Variants in ANO3 observed in about 807,000 individuals in gnomAD.
The protein encoded by ANO3 is anoctamin-3.
Under a neutral mutation model 144.8 loss-of-function variants are expected in ANO3, and 99 were observed. The observed-to-expected ratio is 0.68, with a 90% CI of 0.58 to 0.81. The LOEUF is 0.81. Among genes scored for constraint, ANO3 ranks in the 30% least tolerant of loss-of-function variants. ANO3 has a pLI of 0.00. For synonymous variants in ANO3, 414 were observed against 392.6 expected (o/e 1.05, Z -0.64); for missense variants, 905 against 1,202.2 (o/e 0.75, Z 3.66).
At chr11:26,373,673 A>C (rs1333961623) in intron 1 of ANO3, among the ~76,000 whole-genome samples, 2 of 152,304 alleles carry the variant, frequency 1.3e-5, no homozygotes, top group East Asian at 3.9e-4. Flanking sequence ...CAGTTTAATC[A>C]AATCTAGAAA....
intron 13 of ANO3, among the ~76,000 whole-genome samples, chr11:26,555,842 A>G (rs1031091085): frequency 6.6e-6 from 1 of 152,198 alleles, no homozygotes; most frequent in African/African-American, 2.4e-5. Context: ...GATTTTTGCC[A>G]AAGGTACAAG....
intron 18 of ANO3, among the ~76,000 whole-genome samples, chr11:26,629,329 G>A (rs935177914): frequency 2.0e-5 from 3 of 152,022 alleles, no homozygotes; most frequent in Admixed American, 6.6e-5. Flanking sequence ...TGACTTCTCA[G>A]TCCTTCACTC....
At chr11:26,623,712 A>G (rs749523712) in intron 17 of ANO3, among the ~76,000 whole-genome samples, 9 of 152,064 alleles carry the variant, frequency 5.9e-5, no homozygotes, top group African/African-American at 1.9e-4. Context: ...GCAGAATTCA[A>G]ACTTTCACTT....
intron 1 of ANO3, among the ~76,000 whole-genome samples, chr11:26,192,314 T>C (rs1851493438): frequency 6.6e-6 from 1 of 152,206 alleles, no homozygotes; most frequent in Non-Finnish European, 1.5e-5. Flanking sequence ...GGCTTAGCAC[T>C]GGGATTAGTG....
At chr11:26,581,846 C>A (rs1465980435) in intron 14 of ANO3, among the ~76,000 whole-genome samples, 1 of 152,004 alleles carries the variant, frequency 6.6e-6, no homozygotes, top group Non-Finnish European at 1.5e-5. Flanking sequence ...TTGACAATAT[C>A]TCCGTTCTCC....
intron 14 of ANO3, among the ~76,000 whole-genome samples, chr11:26,595,636 G>A (rs577478672): frequency 4.0e-5 from 6 of 151,894 alleles, no homozygotes; most frequent in Admixed American, 3.3e-4. Context: ...CAATCACCCG[G>A]GAGGAACCAT....
intron 17 of ANO3, among the ~76,000 whole-genome samples, chr11:26,620,972 A>T (rs1250395874): frequency 1.3e-5 from 2 of 152,212 alleles, no homozygotes; most frequent in Non-Finnish European, 2.9e-5. Context: ...AGTTTCTAGA[A>T]ATTCAGACAA....
chr11:26,334,702 C>G (rs560483768), intron 1 of ANO3, among the ~76,000 whole-genome samples: 1 of 152,288 alleles, frequency 6.6e-6, no homozygotes, highest in Non-Finnish European at 1.5e-5. Flanking sequence ...ATGATTTCTT[C>G]TGTGACCAGA....
chr11:26,630,001 T>G (rs1412743613), intron 18 of ANO3, among the ~76,000 whole-genome samples: 1 of 152,202 alleles, frequency 6.6e-6, no homozygotes, highest in Non-Finnish European at 1.5e-5. Flanking sequence ...GATTTTTACT[T>G]GCGCTGTCCT....
At chr11:26,294,011 C>T (rs991816473) in intron 1 of ANO3, among the ~76,000 whole-genome samples, 5 of 152,028 alleles carry the variant, frequency 3.3e-5, no homozygotes, top group African/African-American at 1.2e-4. Flanking sequence ...AGAGTCTCTC[C>T]GTGTTTGGTG....
At chr11:26,228,409 A>G (rs1330740279) in intron 1 of ANO3, among the ~76,000 whole-genome samples, 1 of 152,238 alleles carries the variant, frequency 6.6e-6, no homozygotes, top group Non-Finnish European at 1.5e-5. Context: ...GAATAACAAG[A>G]GGTGTAGCAC....
chr11:26,459,849 A>G lies in ANO3; in HGVS notation c.314-3181A>G, dbSNP rs980635941. On this transcript the variant is annotated intron_variant, in intron 3 of 26. Coordinates refer to ENST00000256737, the MANE Select transcript of ANO3 (RefSeq NM_031418.4). ...TCCTAGGGTTTTAGCCTGTGTAACTAGAATAAACTTGTTTATTAAGATGGC... is the reference window on the plus strand; with the variant it reads ...TCCTAGGGTTTTAGCCTGTGTAACTGGAATAAACTTGTTTATTAAGATGGC... Among the ~76,000 whole-genome samples, 3 of 152,114 alleles carry G rather than the reference A, an allele frequency of 2.0e-5. No individual in the cohort carries two copies. The South Asian group carries it at 6.2e-4, about 31-fold the overall frequency.
At chr11:26,387,036 G>A (rs550966902) in intron 1 of ANO3, among the ~76,000 whole-genome samples, 31 of 151,544 alleles carry the variant, frequency 2.0e-4, no homozygotes, top group Non-Finnish European at 3.4e-4. Flanking sequence ...GAAAAGACTC[G>A]GAAAAAGTCT....
intron 1 of ANO3, among the ~76,000 whole-genome samples, chr11:26,294,133 G>C (rs898321084): frequency 1.4e-4 from 21 of 152,226 alleles, no homozygotes; most frequent in African/African-American, 5.1e-4. Context: ...ACGTTTAAAG[G>C]ACTGTTGTCC....
At chr11:26,585,689 G>A (rs542172297) in intron 14 of ANO3, among the ~76,000 whole-genome samples, 1 of 152,198 alleles carries the variant, frequency 6.6e-6, no homozygotes, top group African/African-American at 2.4e-5. Context: ...GTCTATCCAG[G>A]GAAGCATTGT....
intron 1 of ANO3, among the ~76,000 whole-genome samples, chr11:26,282,974 A>G (rs1853712932): frequency 6.6e-6 from 1 of 152,114 alleles, no homozygotes; most frequent in South Asian, 2.1e-4. Flanking sequence ...CATTTAGACT[A>G]CATATTCCTT....
intron 14 of ANO3, chr11:26,572,096 C>A: frequency 1.0e-6 from 1 of 985,340 alleles, no homozygotes. Context: ...GTTGTCCTGT[C>A]TGAAAGGAAT....
rs151031559 is a variant in ANO3, at chr11:26,245,018, T to TGTGTGCGC, written c.154+55691_154+55692insTGCGCGTG. 1.0e-3 allele frequency among the ~76,000 whole-genome samples: 146 copies of TGTGTGCGC among 145,424 alleles called. 2 individuals are homozygous for TGTGTGCGC. The highest frequency in any genetic ancestry group is 3.2e-3 in the African/African-American group (125 of 39,538). On this transcript the variant is annotated intron_variant, in intron 1 of 27. Transcript: ENST00000672621. Reference sequence around the variant, plus strand: ...GTGTGTGTGTGTGTGTGTGTGTGTGTGTGCATGCATGCATTTGTCTTTCAT... The same window carrying TGTGTGCGC: ...GTGTGTGTGTGTGTGTGTGTGTGTGTGTGTGCGCGTGCATGCATGCATTTGTCTTTCAT...
intron 4 of ANO3, among the ~76,000 whole-genome samples, chr11:26,485,824 A>T (rs1264643093): frequency 6.6e-6 from 1 of 152,202 alleles, no homozygotes; most frequent in Non-Finnish European, 1.5e-5. Context: ...ACTTCAAAAG[A>T]AAAAGCAACA....
Sources: allele counts gnomAD v4.1 joint callset (sites outside exome capture counted in the v4.1 genomes callset), GRCh38; gene constraint gnomAD v4.1.1; transcripts MANE v1.5; gene names NCBI Gene and HGNC (gene_info 2026-07-23, HGNC 2026-07-21).